Variants in STPG2 observed in about 807,000 individuals in gnomAD.
STPG2 encodes the protein sperm-tail PG-rich repeat-containing protein 2.
In STPG2, 56 loss-of-function variants were observed where a neutral mutation model predicts 54.2. That is an observed-to-expected ratio of 1.03 (90% confidence interval 0.83 to 1.29). STPG2 has a LOEUF of 1.29. STPG2 is among the 50% of genes most tolerant of loss of function. STPG2 has a pLI of 0.00. For synonymous variants in STPG2, 200 were observed against 181.8 expected (o/e 1.10, Z -0.81); for missense variants, 596 against 544.9 (o/e 1.09, Z -0.93).
At chr4:97,621,188 T>C (rs1488812055) in intron 10 of STPG2, among the ~76,000 whole-genome samples, 1 of 151,886 alleles carries the variant, frequency 6.6e-6, no homozygotes, top group East Asian at 1.9e-4. Flanking sequence ...ATCAAAAAGA[T>C]ACAAAGATCT....
At position 97,509,993 on chromosome 4, in the gene STPG2, G is replaced by A. The variant is rs568090778; in HGVS notation, c.462+202706C>T. Among the ~76,000 whole-genome samples the A allele has an allele frequency of 1.8e-4, 27 of 151,976 alleles. 1 individual carries two copies. The East Asian group carries it at 3.9e-3, about 22-fold the overall frequency. On this transcript the variant is annotated intron_variant, in intron 4 of 4. Transcript: ENST00000522676. ...AATCCGTGGAAAAATTGTCTTCCAC[G>A]AAACTGACACCTGGTGCCAAAAGAT...
intron 9 of STPG2, among the ~76,000 whole-genome samples, chr4:97,729,682 A>G (rs1421474244): frequency 6.6e-6 from 1 of 152,178 alleles, no homozygotes; most frequent in Non-Finnish European, 1.5e-5. Context: ...GGCTGCATCC[A>G]ACATCATAAA....
intron 8 of STPG2, among the ~76,000 whole-genome samples, chr4:97,892,707 G>A (rs1306610416): frequency 6.6e-6 from 1 of 152,170 alleles, no homozygotes; most frequent in Non-Finnish European, 1.5e-5. Context: ...TGTAGATGCT[G>A]AGCACATGCA....
At chr4:98,054,192 T>C (rs1157554261) in intron 5 of STPG2, among the ~76,000 whole-genome samples, 3 of 152,134 alleles carry the variant, frequency 2.0e-5, no homozygotes, top group African/African-American at 7.2e-5. Context: ...GATCACTATG[T>C]TTTTATAACT....
chr4:97,526,558 G>A (rs1034621220), intron 4 of STPG2, among the ~76,000 whole-genome samples: 2 of 151,624 alleles, frequency 1.3e-5, no homozygotes, highest in East Asian at 1.9e-4. Context: ...TAAGTTCCTC[G>A]AGATTCTGGA....
In STPG2 at chr4:97,842,514, T is replaced by C. The variant is rs1728832551; in HGVS notation, c.1045-1582A>G. Among the ~76,000 whole-genome samples, 4 of 151,914 alleles carry C rather than the reference T, an allele frequency of 2.6e-5. No individual in the cohort carries two copies. The South Asian group carries it at 8.3e-4, about 31-fold the overall frequency. Reference sequence around the variant, plus strand: ...TCTTGATTGTGCCTACTATACACTTTAGTTTTCTTATCAGAAGACATTATT... The same window carrying C: ...TCTTGATTGTGCCTACTATACACTTCAGTTTTCTTATCAGAAGACATTATT... On this transcript the variant is annotated intron_variant, in intron 8 of 10. Transcript: ENST00000295268.
intron 10 of STPG2, among the ~76,000 whole-genome samples, chr4:97,622,052 A>G (rs1473055117): frequency 6.6e-6 from 1 of 152,218 alleles, no homozygotes; most frequent in Non-Finnish European, 1.5e-5. Context: ...ATAGAGGCAG[A>G]AAACAGTTAC....
intron 9 of STPG2, among the ~76,000 whole-genome samples, chr4:97,719,458 T>C (rs1172490633): frequency 6.6e-6 from 1 of 152,006 alleles, no homozygotes; most frequent in Non-Finnish European, 1.5e-5. Context: ...TCATATTCTC[T>C]GAAAGTGGGA....
At chr4:97,679,273 C>A (rs1204429059) in intron 10 of STPG2, among the ~76,000 whole-genome samples, 1 of 152,116 alleles carries the variant, frequency 6.6e-6, no homozygotes, top group African/African-American at 2.4e-5. Flanking sequence ...TTCTCCACAT[C>A]CTCTCCAGCA....
intron 8 of STPG2, among the ~76,000 whole-genome samples, chr4:97,915,223 G>C (rs1174537535): frequency 6.6e-6 from 1 of 152,118 alleles, no homozygotes. Flanking sequence ...CATGGTGCCT[G>C]CTCTTAAGGA....
chr4:97,447,665 T>C (rs1729259485), intron 4 of STPG2, among the ~76,000 whole-genome samples: 1 of 152,184 alleles, frequency 6.6e-6, no homozygotes, highest in East Asian at 1.9e-4. Context: ...TGAGGGTGCA[T>C]ACAAGTCAGG....
chr4:97,710,953 CATAA>C (rs556545859), intron 10 of STPG2, among the ~76,000 whole-genome samples: 27 of 151,662 alleles, frequency 1.8e-4, no homozygotes, highest in Non-Finnish European at 3.2e-4. Flanking sequence ...ATATAAAACC[CATAA>C]ATGTTTTCTC....
chr4:97,558,034 G>T (rs1227793882), downstream of STPG2, among the ~76,000 whole-genome samples: 1 of 152,174 alleles, frequency 6.6e-6, no homozygotes, highest in South Asian at 2.1e-4. Flanking sequence ...AGGAATAGTT[G>T]TCACTTTACA....
In STPG2 at chr4:97,616,065, T is replaced by TAA. The variant is rs1560686879; in HGVS notation, c.1321-56949_1321-56948insTT. On this transcript the variant is annotated intron_variant, in intron 10 of 10. Coordinates refer to ENST00000295268, the MANE Select transcript of STPG2 (RefSeq NM_174952.3). ...AAAAAAAAATACATATAAATATATATATATATATATATATATATATATATA... is the reference window on the plus strand; with the variant it reads ...AAAAAAAAATACATATAAATATATATAAATATATATATATATATATATATATA... Among the ~76,000 whole-genome samples, 88 of 70,236 alleles carry TAA rather than the reference T, an allele frequency of 1.3e-3. 3 individuals are homozygous for TAA. Among genetic ancestry groups the TAA allele is most frequent in the African/African-American group, 4.2e-3 (83 of 19,586 alleles). 46.1% of individuals were successfully genotyped at this position (70,236 alleles called of 152,430 possible).
intron 4 of STPG2, among the ~76,000 whole-genome samples, chr4:97,486,007 T>C (rs1054983664): frequency 6.6e-6 from 1 of 151,880 alleles, no homozygotes; most frequent in Non-Finnish European, 1.5e-5. Flanking sequence ...AGAATGAAAA[T>C]GGATCCTCAT....
chr4:97,751,247 C>A (rs374304398), intron 9 of STPG2, among the ~76,000 whole-genome samples: 6 of 151,896 alleles, frequency 4.0e-5, no homozygotes, highest in African/African-American at 1.2e-4. Context: ...GATTTTGCCC[C>A]ATTTCCCTTT....
intron 8 of STPG2, among the ~76,000 whole-genome samples, chr4:97,853,662 A>C (rs1181646793): frequency 2.6e-5 from 4 of 152,236 alleles, no homozygotes; most frequent in African/African-American, 7.2e-5. Flanking sequence ...CTTCATACGA[A>C]TCAAAAAGAG....
intron 8 of STPG2, among the ~76,000 whole-genome samples, chr4:97,912,387 T>C (rs775539007): frequency 3.3e-4 from 50 of 152,214 alleles, no homozygotes; most frequent in Non-Finnish European, 6.8e-4. Flanking sequence ...TAAAGGAACA[T>C]GTTGTAACCC....
rs1728787065 is a variant in STPG2 at position 97,841,011 on chromosome 4, A to G, written c.1045-79T>C. 34 of 1,384,350 alleles carry G rather than the reference A, an allele frequency of 2.5e-5. No individual in the cohort carries two copies. The South Asian group carries it at 4.0e-4, about 16-fold the overall frequency. 85.8% of individuals were successfully genotyped at this position (1,384,350 alleles called of 1,614,324 possible). Reference sequence around the variant, plus strand: ...AAGAAGATACCAGATGGATGGTTACAGTAAGCAATGAATAGAAAAATCCTA... The same window carrying G: ...AAGAAGATACCAGATGGATGGTTACGGTAAGCAATGAATAGAAAAATCCTA... On this transcript the variant is annotated intron_variant, in intron 8 of 10. Coordinates refer to ENST00000295268, the MANE Select transcript of STPG2 (RefSeq NM_174952.3).
Sources: allele counts gnomAD v4.1 joint callset (sites outside exome capture counted in the v4.1 genomes callset), GRCh38; gene constraint gnomAD v4.1.1; transcripts MANE v1.5; gene names NCBI Gene and HGNC (gene_info 2026-07-23, HGNC 2026-07-21).